The following OCRL variants were observed in gnomAD, a reference collection of about 807,000 sequenced individuals.
OCRL encodes the protein inositol polyphosphate 5-phosphatase OCRL.
Under a neutral mutation model 78.9 loss-of-function variants are expected in OCRL, and 8 were observed. The observed-to-expected ratio is 0.10, with a 90% CI of 0.06 to 0.18. OCRL has a LOEUF of 0.18. OCRL is among the 10% of genes least tolerant of loss of function. OCRL has a pLI of 1.00. For synonymous variants in OCRL, 240 were observed against 235.4 expected (o/e 1.02, Z -0.18); for missense variants, 454 against 696.7 (o/e 0.65, Z 3.92).
At position 129,550,089 on chromosome X, in the gene OCRL, A is replaced by G. The variant is rs563658043; in HGVS notation, c.238+1488A>G. Among the ~76,000 whole-genome samples the G allele has an allele frequency of 2.7e-5, 3 of 112,379 alleles. No individual in the cohort carries two copies. The South Asian group carries it at 1.1e-3, about 41-fold the overall frequency. On this transcript the variant is annotated intron_variant, in intron 4 of 23. Coordinates refer to ENST00000371113, the MANE Select transcript of OCRL (RefSeq NM_000276.4). ...TTAGGCAGGCCTGATTTTAATGTAA[A>G]TATGCATTTTCCCATTGTCTGGATA...
intron 15 of OCRL, among the ~76,000 whole-genome samples, chrX:129,572,407 TC>T (rs1936313544): frequency 1.8e-5 from 2 of 112,811 alleles, no homozygotes; most frequent in East Asian, 2.8e-4. Context: ...TCTTTGGGGT[TC>T]CCCCCCTCCT....
chrX:129,590,584 A>T lies in OCRL; in HGVS notation c.*314A>T. 7.1e-6 allele frequency: 2 copies of T among 282,804 alleles called. No homozygotes were observed. Among genetic ancestry groups the T allele is most frequent in the South Asian group, 7.6e-5 (2 of 26,376 alleles). 23.3% of individuals were successfully genotyped at this position (282,804 alleles called of 1,213,427 possible). A position where few individuals can be genotyped will look rare whatever the true frequency, so the allele number is the denominator to read the frequency against. On this transcript the variant is annotated 3_prime_UTR_variant, in exon 24 of 24. Coordinates refer to ENST00000371113, the MANE Select transcript of OCRL (RefSeq NM_000276.4). ...GTTGCCCTCCTACCCAATTGTCATGATTGTCCTTAGTACCCTAGGCCTAGA... is the reference window on the plus strand; with the variant it reads ...GTTGCCCTCCTACCCAATTGTCATGTTTGTCCTTAGTACCCTAGGCCTAGA...
intron 11 of OCRL, 46 bp from the exon 12 acceptor site, chrX:129,562,553 A>G: frequency 2.5e-6 from 3 of 1,191,036 alleles, no homozygotes; most frequent in Non-Finnish European, 3.4e-6. Flanking sequence ...TGTAAAGTTC[A>G]GTTGCTTGTT....
Position 129,562,454 on chromosome X carries a change from G to A in OCRL, c.1010G>A (p.Arg337His), listed in dbSNP as rs756403112. 6 of 1,210,109 alleles carry A rather than the reference G, an allele frequency of 5.0e-6. No homozygotes were observed. Among genetic ancestry groups the A allele is most frequent in the Admixed American group, 2.2e-5 (1 of 46,014 alleles). ...AGAAAGGATCAGTGTCGATACATTC[G>A]TGATATTGCTACAGAAACAGTTGGA... ...FARKDQCRYI[R>H]DIATETVGTG... Residue 337 changes from arginine (R) to histidine (H), a missense_variant, in exon 11 of 24, where the codon CGT becomes CAT. Arg to His is a conservative substitution (Grantham distance 29). Around this residue, in one of 2 missense-constraint regions of OCRL, gnomAD observed 277 missense variants for 517.1 expected, o/e 0.54. Transcript: ENST00000371113.
intron 18 of OCRL, among the ~76,000 whole-genome samples, chrX:129,584,011 C>G (rs1382819930): frequency 9.0e-6 from 1 of 110,803 alleles, no homozygotes; most frequent in African/African-American, 3.3e-5. Flanking sequence ...TACCTCAATG[C>G]ACCTGCCTCC....
intron 5 of OCRL, 52 bp downstream of exon 5, chrX:129,557,487 T>C (rs1466408015): frequency 1.9e-6 from 2 of 1,046,918 alleles, no homozygotes; most frequent in Non-Finnish European, 2.7e-6. Flanking sequence ...GGAGTGGAAT[T>C]CTGACATGCT....
intron 5 of OCRL, 43 bp downstream of exon 5, chrX:129,557,478 G>A (rs1301980996): frequency 9.1e-7 from 1 of 1,102,213 alleles, no homozygotes; most frequent in African/African-American, 1.8e-5. Context: ...ATTTCAACGG[G>A]AGTGGAATTC....
chrX:129,569,413 T>G lies in OCRL; in HGVS notation c.1602+14T>G. On this transcript the variant is annotated intron_variant, in intron 15 of 23. Transcript: ENST00000371113. ...TTCCATATTGGGGTAAACACTTGTT[T>G]GTACATTCATTTATTTGTGTGTTAA... 1 of 1,203,065 alleles carries G rather than the reference T, an allele frequency of 8.3e-7. No individual in the cohort carries two copies. The highest frequency in any genetic ancestry group is 1.1e-6 in the Non-Finnish European group (1 of 887,619).
At position 129,576,543 on chromosome X, in the gene OCRL, C is replaced by T. The variant is rs1433470213; in HGVS notation, c.2106C>T (p.Leu702=). The stretch of plus-strand genomic sequence containing the variant: ...TCCGAGAAGTTCCTGTTACCAAACT[C>T]ATAGACTTGGTAAGAACTGTCCCAA... ...RPIREVPVTK[L]IDLEEDSFLE... The change falls in exon 18 of 24, where the codon CTC becomes CTT. Residue 702 remains leucine (L), a synonymous_variant. Coordinates refer to ENST00000371113, the MANE Select transcript of OCRL (RefSeq NM_000276.4). The T allele has an allele frequency of 8.4e-7, 1 of 1,184,017 alleles. No individual in the cohort carries two copies. The highest frequency in any genetic ancestry group is 1.8e-5 in the South Asian group (1 of 56,369).
intron 2 of OCRL, 119 bp downstream of exon 2, chrX:129,540,942 CA>C: frequency 1.7e-6 from 1 of 591,476 alleles, no homozygotes; most frequent in South Asian, 2.3e-5. Flanking sequence ...GGTTCAGGTC[CA>C]GGTGTGAAGT....
intron 2 of OCRL, among the ~76,000 whole-genome samples, chrX:129,542,103 T>A (rs1935812799): frequency 8.9e-6 from 1 of 112,211 alleles, no homozygotes; most frequent in South Asian, 3.7e-4. Flanking sequence ...GTAAAACTTG[T>A]GTGCCTTGGT....
intron 8 of OCRL, among the ~76,000 whole-genome samples, chrX:129,560,001 C>T (rs1936123363): frequency 8.9e-6 from 1 of 112,035 alleles, no homozygotes; most frequent in Non-Finnish European, 1.9e-5. Context: ...CTAAAACTTG[C>T]AGTTCCTCAT....
At chrX:129,574,005 A>G (rs1936336744) in intron 15 of OCRL, among the ~76,000 whole-genome samples, 1 of 112,138 alleles carries the variant, frequency 8.9e-6, no homozygotes, top group African/African-American at 3.2e-5. Context: ...ATATGTGTGC[A>G]TGTGTCTTTA....
In OCRL at chrX:129,542,621, C is replaced by T. The variant is rs996795082; in HGVS notation, c.119+1798C>T. 3.6e-5 allele frequency among the ~76,000 whole-genome samples: 4 copies of T among 110,641 alleles called. No homozygotes were observed. In the South Asian group the frequency reaches 1.5e-3, roughly 42 times the overall value. On this transcript the variant is annotated intron_variant, in intron 2 of 23. Transcript: ENST00000371113. ...TACTATAAGATAGTAATATCATCAT[C>T]CCCCTTTTATAGATACAGAAATTGA...
chrX:129,547,467 G>A (rs1935900513), intron 3 of OCRL, among the ~76,000 whole-genome samples: 1 of 103,048 alleles, frequency 9.7e-6, no homozygotes, highest in African/African-American at 3.6e-5. Flanking sequence ...GGAGCTTGCA[G>A]TGAGCCGAGA....
At chrX:129,562,143 T>C (rs1936154310) in intron 10 of OCRL, among the ~76,000 whole-genome samples, 1 of 111,772 alleles carries the variant, frequency 8.9e-6, no homozygotes, top group African/African-American at 3.3e-5. Flanking sequence ...AAAGAATAGA[T>C]CTAGAGCTGA....
At chrX:129,567,469 G>T in intron 14 of OCRL, 106 bp downstream of exon 14, 1 of 537,192 alleles carries the variant, frequency 1.9e-6, no homozygotes, top group Non-Finnish European at 3.3e-6. Context: ...GCCATAAGCA[G>T]ATATATAAAC....
In OCRL at chrX:129,575,331, T is replaced by A; in HGVS notation, c.1713+81T>A. ...AAACTGCTACTTAGAAAAGGCTACATAGCAACGTGGTTAAGCCCATGTCGC... is the reference window on the plus strand; with the variant it reads ...AAACTGCTACTTAGAAAAGGCTACAAAGCAACGTGGTTAAGCCCATGTCGC... On this transcript the variant is annotated intron_variant, in intron 16 of 23. Transcript: ENST00000371113. The A allele has an allele frequency of 9.4e-6, 6 of 638,071 alleles. No homozygotes were observed. The South Asian group carries it at 1.6e-4, about 17-fold the overall frequency. The allele number at this position is 638,071 out of a possible 1,213,427, so 52.6% of individuals were successfully genotyped here.
At chrX:129,551,581 C>T (rs1184378934) in intron 4 of OCRL, among the ~76,000 whole-genome samples, 1 of 111,535 alleles carries the variant, frequency 9.0e-6, no homozygotes, top group African/African-American at 3.3e-5. Flanking sequence ...ACTACAGGCA[C>T]CTGCCACCAT....
Sources: gnomAD v4.1 joint callset for allele counts (sites outside exome capture counted in the v4.1 genomes callset) on GRCh38, gnomAD v4.1.1 for gene constraint, gnomAD v4.1.1 regional missense constraint, MANE v1.5 for transcripts, NCBI Gene and HGNC (gene_info 2026-07-23, HGNC 2026-07-21) for gene names.